Variants in PHF21A observed in about 807,000 individuals in gnomAD.
The protein encoded by PHF21A is PHD finger protein 21A.
In PHF21A, 11 loss-of-function variants were observed where a neutral mutation model predicts 82.5. The ratio of observed to expected loss-of-function variants is 0.13; its 90% CI spans 0.08 to 0.22. The LOEUF is 0.22. Among genes scored for constraint, PHF21A ranks in the 10% least tolerant of loss-of-function variants. The pLI, the probability that PHF21A is intolerant of heterozygous loss-of-function variation, is 1.00. For synonymous variants in PHF21A, 297 were observed against 302.8 expected, an observed-to-expected ratio of 0.98 and a Z score of 0.20; for missense variants, 579 against 837.8, an observed-to-expected ratio of 0.69 and a Z score of 3.81.
chr11:45,952,896 T>C (rs973541236), intron 11 of PHF21A, among the ~76,000 whole-genome samples: 1 of 152,240 alleles, frequency 6.6e-6, no homozygotes, highest in African/African-American at 2.4e-5. Context: ...CTGAAAAAAT[T>C]TGCTTGTCTA....
intron 11 of PHF21A, among the ~76,000 whole-genome samples, chr11:45,950,897 C>G (rs563676498): frequency 6.6e-6 from 1 of 152,226 alleles, no homozygotes; most frequent in Non-Finnish European, 1.5e-5. Flanking sequence ...TGCTAACTCA[C>G]AGCTAAATGA....
intron 14 of PHF21A, among the ~76,000 whole-genome samples, chr11:45,946,531 G>C (rs2091325164): frequency 1.3e-5 from 2 of 152,060 alleles, no homozygotes; most frequent in African/African-American, 2.4e-5. Context: ...CAACAGGCGT[G>C]TGCCCAGCTA....
Position 45,965,427 on chromosome 11 carries a change from A to G in PHF21A, c.884T>C (p.Ile295Thr), listed in dbSNP as rs1275678984. The G allele has an allele frequency of 1.2e-6, 2 of 1,614,082 alleles. No individual in the cohort carries two copies. The highest frequency in any genetic ancestry group is 3.3e-5 in the Admixed American group (2 of 60,010). The change falls in exon 10 of 19, where the codon ATA (isoleucine) becomes ACA (threonine). Residue 295 changes from isoleucine (I) to threonine (T), a missense_variant. By Grantham distance (89) the Ile-to-Thr change is moderately conservative (BLOSUM62 -1). Transcript: ENST00000676320. ...VRVVNGQTAT[I>T]AKTFPMAQLT... The stretch of plus-strand genomic sequence containing the variant: ...CTGGGCCATGGGGAACGTTTTGGCT[A>G]TGGTTGCAGTCTGCCCATTGACGAC...
rs569073969 is a variant in PHF21A at position 45,931,109 on chromosome 11, C to G, written c.*2859G>C. ...ATGTCAGGAAGAATCCACAGCCCAG[C>G]TGCAGGCGAGGTCAGAATGTACCCG... On this transcript the variant is annotated 3_prime_UTR_variant, in exon 19 of 19. Transcript: ENST00000676320. The G allele has an allele frequency of 7.2e-5, 11 of 152,422 alleles. No homozygotes were observed. Among genetic ancestry groups the G allele is most frequent in the African/African-American group, 2.4e-4 (10 of 41,560 alleles). The allele number at this position is 152,422 out of a possible 1,614,324, so 9.4% of individuals were successfully genotyped here.
chr11:46,062,376 C>T lies in PHF21A; in HGVS notation c.153+14378G>A, dbSNP rs144616740. ...TGGGTGACCCTCTTAAAATTTTTCT[C>T]TATTCTACTGTCTATCCCCCTTTGT... On this transcript the variant is annotated intron_variant, in intron 6 of 18. Coordinates refer to ENST00000676320, the MANE Select transcript of PHF21A (RefSeq NM_001352027.3). 7.1e-3 allele frequency among the ~76,000 whole-genome samples: 1,076 copies of T among 152,250 alleles called. 5 individuals are homozygous for T. The highest frequency in any genetic ancestry group is 0.01 in the Non-Finnish European group (700 of 68,008).
At chr11:45,969,379 G>A (rs2093634024) in intron 9 of PHF21A, among the ~76,000 whole-genome samples, 1 of 152,198 alleles carries the variant, frequency 6.6e-6, no homozygotes, top group African/African-American at 2.4e-5. Context: ...CTTTAAGCAT[G>A]ATTCTCAAAA....
rs769835034 is a variant in PHF21A, at chr11:45,950,246, G to A, written c.1107C>T (p.Phe369=). The change falls in exon 12 of 19, where the codon TTC becomes TTT. Residue 369 remains phenylalanine, a synonymous_variant. Transcript: ENST00000676320. ...KREENPQKLA[F]MVSLGLVTHD... ...GTGTTACCAACCCTAGAGACACCAT[G>A]AAGGCAAGTTTCTGTGCCAGAGAAA... 6.8e-6 allele frequency: 11 copies of A among 1,609,734 alleles called. No individual in the cohort carries two copies. The highest frequency in any genetic ancestry group is 1.1e-5 in the South Asian group (1 of 90,354).
At chr11:45,966,971 TCCC>T (rs2093476324) in intron 9 of PHF21A, among the ~76,000 whole-genome samples, 1 of 152,204 alleles carries the variant, frequency 6.6e-6, no homozygotes, top group African/African-American at 2.4e-5. Context: ...CAAAACGCTT[TCCC>T]CTTATGCATG....
At chr11:46,086,840 T>C (rs2096862580) in intron 3 of PHF21A, among the ~76,000 whole-genome samples, 1 of 152,180 alleles carries the variant, frequency 6.6e-6, no homozygotes, top group East Asian at 1.9e-4. Context: ...GAACTTAACA[T>C]TATACATAAC....
intron 1 of PHF21A, among the ~76,000 whole-genome samples, chr11:46,114,324 A>C (rs1045628304): frequency 6.6e-6 from 1 of 152,208 alleles, no homozygotes; most frequent in Non-Finnish European, 1.5e-5. Flanking sequence ...CTGTGGAAGG[A>C]GGCTGGGAAA....
At chr11:46,107,605 A>G (rs1237303007) in intron 1 of PHF21A, among the ~76,000 whole-genome samples, 2 of 152,238 alleles carry the variant, frequency 1.3e-5, no homozygotes, top group African/African-American at 4.8e-5. Context: ...CTTAGATGCA[A>G]GGAGTGTATT....
At chr11:46,091,853 T>A (rs1355548328) in intron 2 of PHF21A, among the ~76,000 whole-genome samples, 1 of 152,126 alleles carries the variant, frequency 6.6e-6, no homozygotes, top group African/African-American at 2.4e-5. Context: ...TGGGCCTGGC[T>A]GGGAATCTGA....
intron 15 of PHF21A, among the ~76,000 whole-genome samples, chr11:45,944,462 C>T (rs1029432736): frequency 6.6e-6 from 1 of 152,150 alleles, no homozygotes; most frequent in Non-Finnish European, 1.5e-5. Context: ...AATTATGTCA[C>T]TCCTCTGCCC....
At chr11:45,967,945 A>G (rs1375619929) in intron 9 of PHF21A, among the ~76,000 whole-genome samples, 3 of 152,210 alleles carry the variant, frequency 2.0e-5, no homozygotes, top group Non-Finnish European at 4.4e-5. Context: ...CATTTTATTT[A>G]AACACTCTGG....
chr11:46,062,248 G>T (rs1414911549), intron 6 of PHF21A, among the ~76,000 whole-genome samples: 2 of 151,874 alleles, frequency 1.3e-5, no homozygotes. Context: ...TATGCCCTTC[G>T]GTTGTGGGAC....
intron 7 of PHF21A, among the ~76,000 whole-genome samples, chr11:45,974,277 A>G (rs1276030040): frequency 6.6e-6 from 1 of 152,110 alleles, no homozygotes; most frequent in Non-Finnish European, 1.5e-5. Flanking sequence ...TTCTTTCCCA[A>G]GTATTAGGGA....
chr11:45,935,304 C>T, intron 18 of PHF21A: 2 of 1,262,082 alleles, frequency 1.6e-6, no homozygotes, highest in Middle Eastern at 2.9e-4. Context: ...AGGTGAGGCG[C>T]TACACTCCCC....
intron 6 of PHF21A, among the ~76,000 whole-genome samples, chr11:45,981,438 G>A (rs1179664786): frequency 7.1e-6 from 1 of 140,868 alleles, no homozygotes; most frequent in Non-Finnish European, 1.5e-5. Flanking sequence ...CTCAGTAAAT[G>A]TCCTTGTTCT....
chr11:46,055,813 A>G (rs2096446284), intron 6 of PHF21A, among the ~76,000 whole-genome samples: 1 of 152,104 alleles, frequency 6.6e-6, no homozygotes, highest in African/African-American at 2.4e-5. Context: ...CTAAGCCTAA[A>G]ATCAGAATTT....
Sources: gnomAD v4.1 joint callset for allele counts (sites outside exome capture counted in the v4.1 genomes callset) on GRCh38, gnomAD v4.1.1 for gene constraint, MANE v1.5 for transcripts, NCBI Gene and HGNC (gene_info 2026-07-23, HGNC 2026-07-21) for gene names.